Variants in KAZN observed in about 807,000 individuals in gnomAD.
KAZN encodes the protein kazrin, periplakin interacting protein.
In KAZN, 40 loss-of-function variants were observed where a neutral mutation model predicts 87.4. The observed-to-expected ratio is 0.46, with a 90% CI of 0.36 to 0.60. The LOEUF is 0.60. KAZN is among the 20% of genes least tolerant of loss of function. The probability of loss-of-function intolerance (pLI) is 0.00; values close to 1 mark genes in which losing one functional copy is unlikely to be tolerated. For synonymous variants in KAZN, 466 were observed against 458.3 expected (o/e 1.02, Z -0.22); for missense variants, 898 against 1,073.9 (o/e 0.84, Z 2.29).
At chr1:14,625,960 C>T (rs1372199396) in intron 1 of KAZN, among the ~76,000 whole-genome samples, 1 of 152,184 alleles carries the variant, frequency 6.6e-6, no homozygotes, top group Non-Finnish European at 1.5e-5. Flanking sequence ...TTCAGGGGAC[C>T]TACGGGATTC....
chr1:14,164,181 T>C (rs1645770317), intron 1 of KAZN, among the ~76,000 whole-genome samples: 1 of 152,206 alleles, frequency 6.6e-6, no homozygotes, highest in African/African-American at 2.4e-5. Flanking sequence ...TATCTTTTAG[T>C]TTCTGTGAGT....
At chr1:14,540,299 G>T (rs1672733608) in intron 2 of KAZN, among the ~76,000 whole-genome samples, 1 of 152,148 alleles carries the variant, frequency 6.6e-6, no homozygotes, top group Non-Finnish European at 1.5e-5. Flanking sequence ...CCCTGCAGTT[G>T]GTAATTCCTG....
chr1:14,435,617 C>T (rs892610198), intron 2 of KAZN, among the ~76,000 whole-genome samples: 1 of 152,212 alleles, frequency 6.6e-6, no homozygotes, highest in East Asian at 1.9e-4. Flanking sequence ...TACACCCAGA[C>T]CCTGGTCCCC....
At chr1:15,058,705 T>C (rs140074354) in intron 5 of KAZN, among the ~76,000 whole-genome samples, 2 of 152,246 alleles carry the variant, frequency 1.3e-5, no homozygotes, top group East Asian at 3.9e-4. Context: ...AGTGTACAGA[T>C]ATGATATGTA....
At chr1:15,014,973 G>A (rs1209813002) in intron 2 of KAZN, among the ~76,000 whole-genome samples, 1 of 152,046 alleles carries the variant, frequency 6.6e-6, no homozygotes, top group Admixed American at 6.6e-5. Context: ...TGCCTCAATT[G>A]TCCCTTCTAT....
chr1:15,101,188 G>C (rs200695153), intron 10 of KAZN, among the ~76,000 whole-genome samples: 49 of 38,392 alleles, frequency 1.3e-3, no homozygotes, highest in East Asian at 6.7e-3. Context: ...CTCTCTCTCT[G>C]CCTCTTCCTC....
intron 1 of KAZN, among the ~76,000 whole-genome samples, chr1:14,871,683 C>T (rs1324146648): frequency 1.9e-5 from 1 of 53,272 alleles, no homozygotes; most frequent in Non-Finnish European, 4.3e-5. Context: ...TGTGTGTGTG[C>T]ACCTGCATCT....
At chr1:13,966,435 T>C (rs1179714867) in intron 1 of KAZN, among the ~76,000 whole-genome samples, 2 of 152,012 alleles carry the variant, frequency 1.3e-5, no homozygotes, top group African/African-American at 4.8e-5. Flanking sequence ...TTTCTGGGGG[T>C]GGGGTCCTGC....
chr1:13,978,463 G>A (rs568251942), intron 1 of KAZN, among the ~76,000 whole-genome samples: 1 of 148,176 alleles, frequency 6.7e-6, no homozygotes, highest in South Asian at 2.1e-4. Context: ...CATTAAAAAA[G>A]CAGAATATAT....
intron 1 of KAZN, among the ~76,000 whole-genome samples, chr1:14,878,674 C>T (rs1284572208): frequency 6.6e-6 from 1 of 152,176 alleles, no homozygotes; most frequent in African/African-American, 2.4e-5. Context: ...ACATTCGGCC[C>T]TCAGCTGGAG....
At chr1:14,802,015 G>A (rs1032896731) in intron 1 of KAZN, among the ~76,000 whole-genome samples, 14 of 152,096 alleles carry the variant, frequency 9.2e-5, no homozygotes, top group African/African-American at 3.4e-4. Context: ...GCGCTGAAGA[G>A]AGCTGTCCTC....
intron 1 of KAZN, among the ~76,000 whole-genome samples, chr1:14,742,306 C>T (rs1215488858): frequency 6.6e-6 from 1 of 152,186 alleles, no homozygotes; most frequent in Non-Finnish European, 1.5e-5. Flanking sequence ...TTTGTGATGG[C>T]AAGGACTCTG....
At chr1:14,557,632 GTGT>G (rs1557799061) in intron 2 of KAZN, among the ~76,000 whole-genome samples, 19 of 22,752 alleles carry the variant, frequency 8.4e-4, no homozygotes, top group African/African-American at 2.5e-3. Context: ...GTGTGTGGGT[GTGT>G]GTGTGTGTGT....
At chr1:14,827,838 G>C (rs530398385) in intron 1 of KAZN, among the ~76,000 whole-genome samples, 1 of 152,236 alleles carries the variant, frequency 6.6e-6, no homozygotes, top group African/African-American at 2.4e-5. Flanking sequence ...CCCTGGCTAA[G>C]GTGGAACAGG....
intron 1 of KAZN, among the ~76,000 whole-genome samples, chr1:14,913,128 C>T (rs771099811): frequency 2.6e-5 from 4 of 152,124 alleles, no homozygotes; most frequent in Non-Finnish European, 4.4e-5. Context: ...GCTTGTGGTG[C>T]GCCTGGCACT....
intron 1 of KAZN, among the ~76,000 whole-genome samples, chr1:13,945,523 CA>C (rs34016071): frequency 0.038 from 5,079 of 135,048 alleles, 367 homozygotes; most frequent in East Asian, 0.34. Flanking sequence ...GACTCCATCT[CA>C]AAAAAAAAAA....
At chr1:14,936,838 G>T (rs534363289) in intron 1 of KAZN, among the ~76,000 whole-genome samples, 1 of 152,268 alleles carries the variant, frequency 6.6e-6, no homozygotes, top group South Asian at 2.1e-4. Flanking sequence ...CCACATGGCG[G>T]GCATCCAGCA....
intron 2 of KAZN, among the ~76,000 whole-genome samples, chr1:14,441,335 C>A (rs1666691933): frequency 6.6e-6 from 1 of 152,024 alleles, no homozygotes. Context: ...TTATCTGGAA[C>A]TGGACTTCCC....
intron 1 of KAZN, among the ~76,000 whole-genome samples, chr1:14,794,731 A>T (rs1469010610): frequency 6.6e-6 from 1 of 152,156 alleles, no homozygotes; most frequent in Non-Finnish European, 1.5e-5. Flanking sequence ...ACTGAGTGTC[A>T]ACTTGATTTG....
Sources: gnomAD v4.1 joint callset for allele counts (sites outside exome capture counted in the v4.1 genomes callset) on GRCh38, gnomAD v4.1.1 for gene constraint, MANE v1.5 for transcripts, NCBI Gene and HGNC (gene_info 2026-07-23, HGNC 2026-07-21) for gene names.